Variants in MAGI2 observed in about 807,000 individuals in gnomAD.
MAGI2 encodes the protein membrane associated guanylate kinase, WW and PDZ domain containing 2.
Under a neutral mutation model 133.3 loss-of-function variants are expected in MAGI2, and 35 were observed. The ratio of observed to expected loss-of-function variants is 0.26; its 90% CI spans 0.20 to 0.35. The LOEUF is 0.35. Among genes scored for constraint, MAGI2 ranks in the 10% least tolerant of loss-of-function variants. The probability of loss-of-function intolerance (pLI) is 1.00; values close to 1 mark genes in which losing one functional copy is unlikely to be tolerated. For missense variants in MAGI2, 1,636 were observed against 1,863.4 expected, an observed-to-expected ratio of 0.88 and a Z score of 2.25; for synonymous variants, 729 against 710.6, an observed-to-expected ratio of 1.03 and a Z score of -0.41.
At chr7:78,293,185 T>C (rs2151047506) in intron 9 of MAGI2, among the ~76,000 whole-genome samples, 1 of 152,298 alleles carries the variant, frequency 6.6e-6, no homozygotes, top group African/African-American at 2.4e-5. Flanking sequence ...AGTCTACCCA[T>C]CTGACAAAGG....
intron 9 of MAGI2, among the ~76,000 whole-genome samples, chr7:78,312,116 A>C (rs1286324502): frequency 1.3e-5 from 2 of 152,156 alleles, no homozygotes; most frequent in Admixed American, 1.3e-4. Flanking sequence ...ATTAATCTAA[A>C]TACGATTTTA....
chr7:78,703,103 G>T (rs969111683), intron 2 of MAGI2, among the ~76,000 whole-genome samples: 1 of 151,918 alleles, frequency 6.6e-6, no homozygotes, highest in African/African-American at 2.4e-5. Flanking sequence ...GCAGAAGTAA[G>T]TGACATCATA....
intron 6 of MAGI2, among the ~76,000 whole-genome samples, chr7:78,481,442 G>A (rs1584332952): frequency 2.0e-5 from 3 of 152,036 alleles, no homozygotes; most frequent in East Asian, 1.9e-4. Context: ...TGACACATGG[G>A]AATTACAGGT....
intron 2 of MAGI2, among the ~76,000 whole-genome samples, chr7:78,679,956 T>C (rs1219395669): frequency 6.6e-6 from 1 of 152,148 alleles, no homozygotes; most frequent in African/African-American, 2.4e-5. Context: ...TCAGTCCAAC[T>C]GGTGATGAGA....
At chr7:78,552,602 T>TG (rs552197754) in intron 3 of MAGI2, among the ~76,000 whole-genome samples, 6 of 152,230 alleles carry the variant, frequency 3.9e-5, no homozygotes, top group Admixed American at 3.9e-4. Context: ...AACTGTATAG[T>TG]GGTGTGGTGG....
intron 2 of MAGI2, among the ~76,000 whole-genome samples, chr7:78,657,898 G>A (rs1473636798): frequency 1.3e-5 from 2 of 152,134 alleles, no homozygotes; most frequent in Admixed American, 1.3e-4. Flanking sequence ...ATGCATATAT[G>A]AAGGTGGAGG....
intron 2 of MAGI2, among the ~76,000 whole-genome samples, chr7:78,945,201 A>G (rs1453045802): frequency 6.6e-6 from 1 of 151,900 alleles, no homozygotes; most frequent in East Asian, 1.9e-4. Context: ...AGCTGGGAGC[A>G]TAGGCGTGCA....
chr7:78,156,811 G>C (rs1330802814), intron 16 of MAGI2, among the ~76,000 whole-genome samples: 1 of 125,156 alleles, frequency 8.0e-6, no homozygotes, highest in Admixed American at 7.9e-5. Context: ...CCGAAGCCAC[G>C]AAAAAAAAAA....
chr7:78,646,042 C>A (rs999015223), intron 2 of MAGI2, among the ~76,000 whole-genome samples: 5 of 152,000 alleles, frequency 3.3e-5, no homozygotes, highest in Admixed American at 6.6e-5. Flanking sequence ...CCTGGCCCAG[C>A]AAAAGTATTT....
rs1234850496 is a variant in MAGI2, at chr7:79,230,476, C to T, written c.301+222544G>A. 3.5e-4 allele frequency among the ~76,000 whole-genome samples: 53 copies of T among 151,800 alleles called. No homozygotes were observed. In the South Asian group the frequency reaches 5.4e-3, roughly 16 times the overall value. Reference sequence around the variant, plus strand: ...CTGTTGTTTCCTGACTTTTTAATGACTGCCATTCTAACTGGTGTGAGATGG... The same window carrying T: ...CTGTTGTTTCCTGACTTTTTAATGATTGCCATTCTAACTGGTGTGAGATGG... On this transcript the variant is annotated intron_variant, in intron 1 of 21. Coordinates refer to ENST00000354212, the MANE Select transcript of MAGI2 (RefSeq NM_012301.4).
chr7:79,200,040 C>G (rs2129551829), intron 1 of MAGI2, among the ~76,000 whole-genome samples: 1 of 151,840 alleles, frequency 6.6e-6, no homozygotes, highest in African/African-American at 2.4e-5. Context: ...GATCCAGCCC[C>G]AGCTGCAGCC....
rs141672585 is a variant in MAGI2, at chr7:78,041,077, C to T, written c.3707-21101G>A. 6.0e-3 allele frequency among the ~76,000 whole-genome samples: 916 copies of T among 152,268 alleles called. 5 individuals carry two copies. Among genetic ancestry groups the T allele is most frequent in the African/African-American group, 0.021 (866 of 41,558 alleles). On this transcript the variant is annotated intron_variant, in intron 21 of 21. Transcript: ENST00000354212. ...ACCAAAGACCACATCTGATTCTTCT[C>T]ACCTGAAGTCTGTGTGCTTTAATGT...
chr7:78,221,325 A>G (rs1788808683), intron 10 of MAGI2, among the ~76,000 whole-genome samples: 1 of 152,166 alleles, frequency 6.6e-6, no homozygotes, highest in African/African-American at 2.4e-5. Context: ...CCATTTACTC[A>G]TGAAGCAGCA....
chr7:78,644,776 T>C (rs1011419873), intron 2 of MAGI2, among the ~76,000 whole-genome samples: 3 of 151,450 alleles, frequency 2.0e-5, no homozygotes, highest in Admixed American at 6.6e-5. Context: ...AAGGGAATAA[T>C]AAAAATCAGA....
In MAGI2 at chr7:78,652,608, A is replaced by T. The variant is rs546811584; in HGVS notation, c.419-25369T>A. On this transcript the variant is annotated intron_variant, in intron 2 of 21. Transcript: ENST00000354212. Reference sequence around the variant, plus strand: ...AAACTAGACTCCTTCCTTGCACCTTATACAAAAATTAACTCAAGATCAAAT... The same window carrying T: ...AAACTAGACTCCTTCCTTGCACCTTTTACAAAAATTAACTCAAGATCAAAT... Among the ~76,000 whole-genome samples the T allele has an allele frequency of 4.6e-5, 7 of 152,322 alleles. No homozygotes were observed. In the East Asian group the frequency reaches 1.4e-3, roughly 29 times the overall value.
chr7:78,064,186 T>A (rs1813573770), intron 21 of MAGI2, among the ~76,000 whole-genome samples: 1 of 152,258 alleles, frequency 6.6e-6, no homozygotes, highest in Non-Finnish European at 1.5e-5. Context: ...TTCTAGCACA[T>A]TGCAACTTTC....
chr7:78,458,381 A>T (rs1312942507), intron 6 of MAGI2, among the ~76,000 whole-genome samples: 1 of 151,966 alleles, frequency 6.6e-6, no homozygotes, highest in African/African-American at 2.4e-5. Flanking sequence ...TATTTTCAAC[A>T]CCACAGGCTT....
At chr7:78,616,344 T>G (rs1292701503) in intron 3 of MAGI2, 3 of 152,142 alleles carry the variant, frequency 2.0e-5, no homozygotes, top group African/African-American at 7.2e-5. Context: ...TCATAATATT[T>G]GGGAGAAAAA....
At chr7:79,429,872 G>T (rs1479508313) in intron 1 of MAGI2, among the ~76,000 whole-genome samples, 1 of 152,012 alleles carries the variant, frequency 6.6e-6, no homozygotes, top group East Asian at 1.9e-4. Context: ...TTGAGGAGTT[G>T]ACTTTACAAG....
Sources: allele counts gnomAD v4.1 joint callset (sites outside exome capture counted in the v4.1 genomes callset), GRCh38; gene constraint gnomAD v4.1.1; transcripts MANE v1.5; gene names NCBI Gene and HGNC (gene_info 2026-07-23, HGNC 2026-07-21).